Variants in WDR20 observed in about 807,000 individuals in gnomAD.
The protein encoded by WDR20 is WD repeat-containing protein 20.
WDR20 carries 3 observed loss-of-function variants against 38.7 expected under a neutral mutation model. The observed-to-expected ratio is 0.08, with a 90% CI of 0.04 to 0.20. WDR20 has a LOEUF of 0.20. Ranked by LOEUF, WDR20 falls within the 10% of genes least tolerant of loss-of-function variation. WDR20 has a pLI of 1.00. For synonymous variants in WDR20, 298 were observed against 285.6 expected (o/e 1.04, Z -0.44); for missense variants, 559 against 727.7 (o/e 0.77, Z 2.67).
intron 1 of WDR20, among the ~76,000 whole-genome samples, chr14:102,140,484 CG>C (rs1175480286): frequency 1.3e-5 from 2 of 152,038 alleles, no homozygotes; most frequent in African/African-American, 4.8e-5. Context: ...GGCCAGGGAG[CG>C]GGCCTGCGAG....
chr14:102,180,681 G>A (rs770018622), intron 1 of WDR20, among the ~76,000 whole-genome samples: 19 of 152,260 alleles, frequency 1.2e-4, no homozygotes, highest in Admixed American at 3.9e-4. Context: ...TACTCTACAC[G>A]GAGGAGAGAT....
At chr14:102,153,884 C>A (rs1478700666) in intron 1 of WDR20, among the ~76,000 whole-genome samples, 2 of 152,246 alleles carry the variant, frequency 1.3e-5, no homozygotes, top group Non-Finnish European at 2.9e-5. Flanking sequence ...TCAGTAATAT[C>A]ACTCTTTTAA....
chr14:102,216,665 C>T (rs2063254624), downstream of WDR20, among the ~76,000 whole-genome samples: 1 of 152,318 alleles, frequency 6.6e-6, no homozygotes, highest in East Asian at 1.9e-4. Flanking sequence ...CATGGTGGCT[C>T]ATGCCTGTAA....
chr14:102,215,392 C>T (rs2063095863), downstream of WDR20, among the ~76,000 whole-genome samples: 1 of 152,184 alleles, frequency 6.6e-6, no homozygotes, highest in African/African-American at 2.4e-5. Context: ...GGACATCCGA[C>T]ATTCTGTCCA....
downstream of WDR20, among the ~76,000 whole-genome samples, chr14:102,219,104 G>A (rs570385096): frequency 1.9e-4 from 29 of 152,350 alleles, no homozygotes; most frequent in East Asian, 4.2e-3. Context: ...CTGTGCTCTC[G>A]AGGGAAGCTG....
Position 102,139,914 on chromosome 14 carries a change from G to A in WDR20, c.-10G>A, listed in dbSNP as rs771617250. 23 of 1,611,748 alleles carry A rather than the reference G, an allele frequency of 1.4e-5. No homozygotes were observed. The Admixed American group carries it at 3.2e-4, about 22-fold the overall frequency. The stretch of plus-strand genomic sequence containing the variant: ...GGGCACTTAGGGCAGGATGAACGCT[G>A]CTTTCCAAGATGGCGACGGAGGGAG... On this transcript the variant is annotated 5_prime_UTR_variant, in exon 1 of 3. Transcript: ENST00000342702.
intron 1 of WDR20, among the ~76,000 whole-genome samples, chr14:102,184,200 A>G (rs995211307): frequency 2.0e-5 from 3 of 152,214 alleles, no homozygotes; most frequent in East Asian, 1.9e-4. Flanking sequence ...CTTTTCTTTA[A>G]TGAAGAAATC....
rs1447242205 is a variant in WDR20 at position 102,222,430 on chromosome 14, G to GCCA, written c.1693-399_1693-398insCAC. 1.3e-5 allele frequency among the ~76,000 whole-genome samples: 2 copies of GCCA among 152,208 alleles called. No individual in the cohort carries two copies. The highest frequency in any genetic ancestry group is 2.9e-5 in the Non-Finnish European group (2 of 68,032). ...CCCCTGGCTCCGAGGGACTGGGTGT[G>GCCA]CGGTCCAGAACTGCGGTGCCCTGGG... On this transcript the variant is annotated intron_variant, in intron 3 of 3. Coordinates refer to the WDR20 transcript ENST00000335263. The surrounding 1 kb of genome is among the most constrained non-coding windows in gnomAD (Gnocchi z 4.4).
downstream of WDR20, among the ~76,000 whole-genome samples, chr14:102,216,885 A>G (rs537771544): frequency 2.6e-5 from 4 of 152,190 alleles, no homozygotes; most frequent in South Asian, 8.3e-4. Flanking sequence ...ATGAGTCGAG[A>G]TGGCGCCACT....
At position 102,140,089 on chromosome 14, in the gene WDR20, A is replaced by G; in HGVS notation, c.166A>G (p.Asn56Asp). The G allele has an allele frequency of 6.2e-7, 1 of 1,614,180 alleles. No homozygotes were observed. Reference protein sequence around the residue: ...NPVRVSFVNLNDQSGNGDRLC... With the variant: ...NPVRVSFVNLDDQSGNGDRLC... ...TGTCCGCGTCTCCTTCGTAAACCTC[A>G]ACGACCAGTCTGGCAACGGCGACCG... The change falls in exon 1 of 3, where the codon AAC becomes GAC. Residue 56 changes from asparagine (N) to aspartate (D), a missense_variant. Transcript: ENST00000342702.
At chr14:102,224,416 G>A (rs978882455), downstream of WDR20, 42 of 372,344 alleles carry the variant, frequency 1.1e-4, no homozygotes, top group African/African-American at 6.6e-4. Flanking sequence ...CCTGCTCAGC[G>A]AGTTACTGGA....
upstream of WDR20, chr14:102,139,521 G>T (rs1044744352): frequency 4.6e-6 from 5 of 1,095,348 alleles, no homozygotes; most frequent in Non-Finnish European, 6.4e-6. Context: ...GGAGACCGCT[G>T]AGGAGGCACC....
intron 1 of WDR20, among the ~76,000 whole-genome samples, chr14:102,167,237 G>A (rs951805560): frequency 2.2e-4 from 33 of 152,176 alleles, no homozygotes; most frequent in African/African-American, 6.3e-4. Context: ...ATTTGACACA[G>A]GGTCTTGCTT....
downstream of WDR20, among the ~76,000 whole-genome samples, chr14:102,219,900 G>A (rs922710840): frequency 3.9e-5 from 6 of 152,268 alleles, no homozygotes; most frequent in South Asian, 6.2e-4. Context: ...TGGAAGCTGG[G>A]CCCAGTGGAG....
rs2054197203 is a variant in WDR20 at position 102,147,791 on chromosome 14, C to A, written c.249+7619C>A. On this transcript the variant is annotated intron_variant, in intron 1 of 2. Transcript: ENST00000342702. ...TATTCCCCAGGCTGGAGTGCAATGG[C>A]ATGATCTTGGTTCACTGCAACCTCT... 2.6e-5 allele frequency among the ~76,000 whole-genome samples: 4 copies of A among 152,224 alleles called. No individual in the cohort carries two copies. In the South Asian group the frequency reaches 6.2e-4, roughly 24 times the overall value.
chr14:102,215,027 A>G (rs994182627), downstream of WDR20: 6 of 972,892 alleles, frequency 6.2e-6, no homozygotes, highest in Non-Finnish European at 7.3e-6. Flanking sequence ...TTCAGTAGTC[A>G]TTTTCACATC....
In WDR20 at chr14:102,176,123, G is replaced by A. The variant is rs537662622; in HGVS notation, c.250-18815G>A. ...AAAAGTGAAAGTCAGGGCTGGAAAC[G>A]GTGGCTCACGCCTGTAATCTCAGCA... is the stretch of plus-strand genomic sequence containing the variant. On this transcript the variant is annotated intron_variant, in intron 1 of 2. Coordinates refer to ENST00000342702, the MANE Select transcript of WDR20 (RefSeq NM_144574.4). Among the ~76,000 whole-genome samples the A allele has an allele frequency of 9.7e-4, 148 of 152,178 alleles. 1 individual carries two copies. The highest frequency in any genetic ancestry group is 1.9e-3 in the Non-Finnish European group (128 of 68,022).
intron 1 of WDR20, among the ~76,000 whole-genome samples, chr14:102,141,712 G>A (rs977085538): frequency 6.6e-6 from 1 of 152,146 alleles, no homozygotes; most frequent in African/African-American, 2.4e-5. Context: ...ACACTCAGTA[G>A]ATGTAAAATA....
chr14:102,196,955 A>AAT (rs2059516077), intron 2 of WDR20, among the ~76,000 whole-genome samples: 1 of 152,172 alleles, frequency 6.6e-6, no homozygotes. Context: ...ATGTGGATAC[A>AAT]TTTTTATCAG....
Sources: gnomAD v4.1 joint callset for allele counts (sites outside exome capture counted in the v4.1 genomes callset) on GRCh38, gnomAD v4.1.1 for gene constraint, Gnocchi (gnomAD v3.1) non-coding constraint, MANE v1.5 for transcripts, NCBI Gene and HGNC (gene_info 2026-07-23, HGNC 2026-07-21) for gene names.